Variants in KLRD1 observed in about 807,000 individuals in gnomAD.
KLRD1 encodes natural killer cells antigen CD94.
A neutral mutation model predicts 22.6 loss-of-function variants in KLRD1; 21 were observed. The observed-to-expected ratio is 0.93, with a 90% confidence interval of 0.66 to 1.34. KLRD1 has a LOEUF of 1.34. Among genes scored for constraint, KLRD1 ranks in the 40% most tolerant of loss-of-function variants. The pLI, the probability that KLRD1 is intolerant of heterozygous loss-of-function variation, is 0.00. For synonymous variants in KLRD1, 59 were observed against 71.1 expected (o/e 0.83, Z 0.85); for missense variants, 183 against 208.6 (o/e 0.88, Z 0.76).
At chr12:10,301,906 T>C (rs1453001603), upstream of KLRD1, among the ~76,000 whole-genome samples, 1 of 152,142 alleles carries the variant, frequency 6.6e-6, no homozygotes, top group Non-Finnish European at 1.5e-5. Context: ...AATTTTGGCA[T>C]TGTTGTATCT....
At chr12:10,281,580 C>T (rs1215241695) in intron 1 of KLRD1, among the ~76,000 whole-genome samples, 1 of 152,090 alleles carries the variant, frequency 6.6e-6, no homozygotes, top group Non-Finnish European at 1.5e-5. Flanking sequence ...GGGATGTATC[C>T]AAGAACCCCC....
chr12:10,318,914 T>C lies in KLRD1; in HGVS notation c.*4121T>C, dbSNP rs1950283437. Reference sequence around the variant, plus strand: ...AGAACCTTATAATTCATTTCAGTTATCTACACCTGGAAATGTTAGTTCTAT... The same window carrying C: ...AGAACCTTATAATTCATTTCAGTTACCTACACCTGGAAATGTTAGTTCTAT... On this transcript the variant is annotated 3_prime_UTR_variant, in exon 6 of 6. Coordinates refer to ENST00000336164, the MANE Select transcript of KLRD1 (RefSeq NM_002262.5). 1 of 151,462 alleles carries C rather than the reference T, an allele frequency of 6.6e-6. No homozygotes were observed. Among genetic ancestry groups the C allele is most frequent in the South Asian group, 2.1e-4 (1 of 4,800 alleles). 9.4% of individuals were successfully genotyped at this position (151,462 alleles called of 1,614,324 possible).
At chr12:10,279,066 T>G (rs539246139) in intron 1 of KLRD1, among the ~76,000 whole-genome samples, 16 of 151,642 alleles carry the variant, frequency 1.1e-4, no homozygotes, top group African/African-American at 3.9e-4. Context: ...ATTCTGGGGA[T>G]TTGGTTTACA....
intron 1 of KLRD1, among the ~76,000 whole-genome samples, chr12:10,273,422 T>C (rs1182824905): frequency 2.6e-5 from 4 of 152,206 alleles, no homozygotes; most frequent in African/African-American, 9.6e-5. Context: ...AAATTTGTAT[T>C]TTTCATATGT....
intron 1 of KLRD1, among the ~76,000 whole-genome samples, chr12:10,256,097 A>G (rs74062129): frequency 0.034 from 5,235 of 152,096 alleles, 322 homozygotes; most frequent in African/African-American, 0.12. Flanking sequence ...TTATATATAT[A>G]CATTTACTTT....
In KLRD1 at chr12:10,307,916, C is replaced by T; in HGVS notation, c.-162C>T. The T allele has an allele frequency of 1.6e-6, 1 of 644,784 alleles. No individual in the cohort carries two copies. Among genetic ancestry groups the T allele is most frequent in the South Asian group, 1.9e-5 (1 of 53,624 alleles). 39.9% of individuals were successfully genotyped at this position (644,784 alleles called of 1,614,324 possible). On this transcript the variant is annotated 5_prime_UTR_variant, in exon 1 of 6. Transcript: ENST00000336164. ...TCACCAATAGATGATTCAAGAACAT[C>T]ATTTAAATACACAATTTTTCATTCT...
At chr12:10,243,694 G>T (rs1006239336) in intron 1 of KLRD1, among the ~76,000 whole-genome samples, 1 of 149,492 alleles carries the variant, frequency 6.7e-6, no homozygotes, top group Non-Finnish European at 1.5e-5. Flanking sequence ...CCTTATCAGT[G>T]CTTAAAACTG....
rs1251839047 is a variant in KLRD1 at position 10,316,869 on chromosome 12, AC to A, written c.*2079del. Reference sequence around the variant, plus strand: ...CCAAGGTGGTTTGCTGCACCTATTGACCCATCATCTAGGTTTTAAGTCCCAC... The same window carrying A: ...CCAAGGTGGTTTGCTGCACCTATTGACCATCATCTAGGTTTTAAGTCCCAC... On this transcript the variant is annotated 3_prime_UTR_variant, in exon 6 of 6. Coordinates refer to ENST00000336164, the MANE Select transcript of KLRD1 (RefSeq NM_002262.5). The A allele has an allele frequency of 6.6e-6, 1 of 152,054 alleles. No homozygotes were observed. The highest frequency in any genetic ancestry group is 1.5e-5 in the Non-Finnish European group (1 of 68,006). The allele number at this position is 152,054 out of a possible 1,614,324, so 9.4% of individuals were successfully genotyped here.
chr12:10,327,845 G>A lies in KLRD1; in HGVS notation c.*13052G>A, dbSNP rs141230371. Reference sequence around the variant, plus strand: ...GTTGAAATATTTTTCTCAAATTCTAGGTTGGCAGGAGTTATCATCATAAAA... The same window carrying A: ...GTTGAAATATTTTTCTCAAATTCTAAGTTGGCAGGAGTTATCATCATAAAA... On this transcript the variant is annotated 3_prime_UTR_variant, in exon 6 of 6. Coordinates refer to ENST00000336164, the MANE Select transcript of KLRD1 (RefSeq NM_002262.5). 6.6e-6 allele frequency: 1 copy of A among 152,096 alleles called. No homozygotes were observed. Among genetic ancestry groups the A allele is most frequent in the Non-Finnish European group, 1.5e-5 (1 of 67,994 alleles). The allele number at this position is 152,096 out of a possible 1,614,324, so 9.4% of individuals were successfully genotyped here.
At chr12:10,246,270 C>G (rs1305975896) in intron 1 of KLRD1, among the ~76,000 whole-genome samples, 2 of 151,648 alleles carry the variant, frequency 1.3e-5, no homozygotes, top group East Asian at 1.9e-4. Context: ...TTTTTTTCAT[C>G]CCATATACAC....
Position 10,317,548 on chromosome 12 carries a change from C to T in KLRD1, c.*2755C>T, listed in dbSNP as rs564884750. On this transcript the variant is annotated 3_prime_UTR_variant, in exon 6 of 6. Transcript: ENST00000336164. ...ACTATTCCATAAAATCCTAAGCAAG[C>T]CTTTGTTTCTTTGCAGTCAGCTTTT... 1 of 152,312 alleles carries T rather than the reference C, an allele frequency of 6.6e-6. No individual in the cohort carries two copies. Among genetic ancestry groups the T allele is most frequent in the African/African-American group, 2.4e-5 (1 of 41,566 alleles). The allele number at this position is 152,312 out of a possible 1,614,324, so 9.4% of individuals were successfully genotyped here.
chr12:10,312,775 C>T (rs1461368165), intron 4 of KLRD1, among the ~76,000 whole-genome samples: 2 of 151,232 alleles, frequency 1.3e-5, no homozygotes, highest in South Asian at 2.1e-4. Context: ...GGATCACAGT[C>T]AGGAGATCGA....
upstream of KLRD1, among the ~76,000 whole-genome samples, chr12:10,306,427 T>TC (rs1346947137): frequency 1.3e-5 from 2 of 152,154 alleles, no homozygotes; most frequent in Non-Finnish European, 2.9e-5. Flanking sequence ...TTCTAAAAAC[T>TC]TAGAACCTCT....
At chr12:10,252,039 A>G (rs766357929) in intron 1 of KLRD1, among the ~76,000 whole-genome samples, 7 of 152,124 alleles carry the variant, frequency 4.6e-5, no homozygotes, top group Non-Finnish European at 7.4e-5. Context: ...GAGACAACAT[A>G]CCAGTTCCTC....
intron 1 of KLRD1, among the ~76,000 whole-genome samples, chr12:10,288,229 C>T (rs192713357): frequency 2.1e-3 from 292 of 141,932 alleles, no homozygotes; most frequent in African/African-American, 7.6e-3. Flanking sequence ...GACAACAGAG[C>T]GAGACTCCGT....
At chr12:10,272,806 T>C (rs1252359294) in intron 1 of KLRD1, among the ~76,000 whole-genome samples, 4 of 152,230 alleles carry the variant, frequency 2.6e-5, no homozygotes, top group African/African-American at 9.6e-5. Flanking sequence ...TTTTCTTTTA[T>C]GTATGATGAA....
chr12:10,314,560 A>T (rs1006596810), intron 5 of KLRD1, 113 bp from the exon 6 acceptor site: 2 of 909,670 alleles, frequency 2.2e-6, no homozygotes, highest in South Asian at 4.5e-5. Context: ...AAAGGACTCA[A>T]TATGTTAGTA....
intron 1 of KLRD1, among the ~76,000 whole-genome samples, chr12:10,246,836 G>T (rs1006939556): frequency 1.3e-5 from 2 of 151,624 alleles, no homozygotes; most frequent in Non-Finnish European, 2.9e-5. Flanking sequence ...CCACATTGAA[G>T]TCTTCCTTCA....
chr12:10,292,512 C>T (rs559335403), intron 1 of KLRD1, among the ~76,000 whole-genome samples: 5 of 152,310 alleles, frequency 3.3e-5, no homozygotes, highest in East Asian at 1.9e-4. Flanking sequence ...TGACCAGGCT[C>T]ATTCTCAATG....
Sources: gnomAD v4.1 joint callset for allele counts (sites outside exome capture counted in the v4.1 genomes callset) on GRCh38, gnomAD v4.1.1 for gene constraint, MANE v1.5 for transcripts, NCBI Gene and HGNC (gene_info 2026-07-23, HGNC 2026-07-21) for gene names.